GPC5: variants seen among roughly 807,000 people sequenced by gnomAD.
GPC5 encodes glypican 5.
A neutral mutation model predicts 53.9 loss-of-function variants in GPC5; 47 were observed. The ratio of observed to expected loss-of-function variants is 0.87; its 90% CI spans 0.69 to 1.11. The LOEUF is 1.11. Ranked by LOEUF, GPC5 falls within the 50% of genes most tolerant of loss-of-function variation. The probability of loss-of-function intolerance (pLI) is 0.00; values close to 1 mark genes in which losing one functional copy is unlikely to be tolerated. For missense variants in GPC5, 748 were observed against 713.1 expected (o/e 1.05, Z -0.56); for synonymous variants, 286 against 263.3 (o/e 1.09, Z -0.84).
At chr13:92,177,326 T>C (rs80275280) in intron 7 of GPC5, among the ~76,000 whole-genome samples, 3,536 of 152,324 alleles carry the variant, frequency 0.023, 148 homozygotes, top group African/African-American at 0.079. Context: ...GTTAATGTAA[T>C]GACAATGCCT....
chr13:92,439,418 G>C (rs181638516), intron 7 of GPC5, among the ~76,000 whole-genome samples: 2 of 152,054 alleles, frequency 1.3e-5, no homozygotes, highest in African/African-American at 4.8e-5. Flanking sequence ...AACTAAAATA[G>C]GCTTAGGAAT....
intron 6 of GPC5, among the ~76,000 whole-genome samples, chr13:92,139,572 C>A (rs766568593): frequency 3.4e-5 from 5 of 145,876 alleles, no homozygotes; most frequent in African/African-American, 1.3e-4. Context: ...GAGGCTTAGG[C>A]AGGACAATTG....
At chr13:91,581,742 T>G (rs2032368485) in intron 2 of GPC5, among the ~76,000 whole-genome samples, 1 of 152,130 alleles carries the variant, frequency 6.6e-6, no homozygotes, top group Non-Finnish European at 1.5e-5. Flanking sequence ...TGTAACGACT[T>G]CTCAATCATT....
intron 7 of GPC5, among the ~76,000 whole-genome samples, chr13:92,685,545 T>TTTTTTTTTTTTTA: frequency 6.7e-5 from 1 of 14,996 alleles, no homozygotes; most frequent in African/African-American, 1.3e-4. Flanking sequence ...ATTATGCTCA[T>TTTTTTTTTTTTTA]TTTTTTTTTT....
intron 7 of GPC5, among the ~76,000 whole-genome samples, chr13:92,290,356 G>A (rs909769169): frequency 1.3e-5 from 2 of 152,084 alleles, no homozygotes; most frequent in Non-Finnish European, 1.5e-5. Flanking sequence ...ATTTCCATAG[G>A]TTATTGAGGA....
rs540962419 is a variant in GPC5, at chr13:92,473,089, G to A, written c.1561+328100G>A. ...AAAAATTATTAAGGGGAATAGAGCAGCATTTCACAACTAGATTCCCAGGAT... is the reference window on the plus strand; with the variant it reads ...AAAAATTATTAAGGGGAATAGAGCAACATTTCACAACTAGATTCCCAGGAT... On this transcript the variant is annotated intron_variant, in intron 7 of 7. Transcript: ENST00000377067. Among the ~76,000 whole-genome samples, 24 of 152,168 alleles carry A rather than the reference G, an allele frequency of 1.6e-4. 1 individual carries two copies. In the South Asian group the frequency reaches 3.5e-3, roughly 22 times the overall value.
chr13:91,998,510 A>G (rs2040525593), intron 6 of GPC5, among the ~76,000 whole-genome samples: 1 of 152,134 alleles, frequency 6.6e-6, no homozygotes, highest in Non-Finnish European at 1.5e-5. Flanking sequence ...CTAATCTCCT[A>G]TTTATTGAGA....
chr13:92,031,205 A>T (rs2040838911), intron 6 of GPC5, among the ~76,000 whole-genome samples: 1 of 152,076 alleles, frequency 6.6e-6, no homozygotes, highest in Non-Finnish European at 1.5e-5. Context: ...GCTTACCCTT[A>T]AAACCTCTTT....
In GPC5 at chr13:92,207,754, A is replaced by T. The variant is rs2042347828; in HGVS notation, c.1561+62765A>T. Among the ~76,000 whole-genome samples the T allele has an allele frequency of 3.9e-5, 6 of 152,314 alleles. No individual in the cohort carries two copies. In the South Asian group the frequency reaches 1.2e-3, roughly 32 times the overall value. ...CGGTTATCTGTCTACTCATTCTTAG[A>T]CATTATGACCTGTAAAATTTCTTGG... is the stretch of plus-strand genomic sequence containing the variant. On this transcript the variant is annotated intron_variant, in intron 7 of 7. Transcript: ENST00000377067.
At chr13:92,289,939 G>T (rs948903834) in intron 7 of GPC5, among the ~76,000 whole-genome samples, 2 of 152,016 alleles carry the variant, frequency 1.3e-5, no homozygotes, top group African/African-American at 4.8e-5. Context: ...TTTAAATTTT[G>T]TTATACCAAA....
At position 91,646,705 on chromosome 13, in the gene GPC5, A is replaced by G. The variant is rs550604118; in HGVS notation, c.326-46482A>G. On this transcript the variant is annotated intron_variant, in intron 2 of 7. Coordinates refer to ENST00000377067, the MANE Select transcript of GPC5 (RefSeq NM_004466.6). ...GAAAGGTTGATTCTACCTTAAATAT[A>G]TGCTTCTGGTATAGCATATAAAAAG... 1.9e-3 allele frequency among the ~76,000 whole-genome samples: 291 copies of G among 152,298 alleles called. 2 individuals are homozygous for G. The highest frequency in any genetic ancestry group is 6.6e-3 in the African/African-American group (273 of 41,566).
intron 7 of GPC5, among the ~76,000 whole-genome samples, chr13:92,415,676 T>TAAAAAAAAAAAA (rs34520808): frequency 7.0e-6 from 1 of 143,490 alleles, no homozygotes. Flanking sequence ...CAGCTGGAGG[T>TAAAAAAAAAAAA]AAAAAAAAAA....
chr13:92,013,746 T>C (rs2040682394), intron 6 of GPC5, among the ~76,000 whole-genome samples: 3 of 152,180 alleles, frequency 2.0e-5, no homozygotes, highest in Admixed American at 6.5e-5. Context: ...CTTGATAGAT[T>C]CCAAGCCATA....
chr13:92,523,551 G>A (rs1881151930), intron 7 of GPC5, among the ~76,000 whole-genome samples: 1 of 151,986 alleles, frequency 6.6e-6, no homozygotes, highest in Admixed American at 6.6e-5. Flanking sequence ...ATATGTGGAA[G>A]CAAACTTTTA....
At chr13:92,289,265 C>G (rs1361258507) in intron 7 of GPC5, among the ~76,000 whole-genome samples, 2 of 152,020 alleles carry the variant, frequency 1.3e-5, no homozygotes, top group Admixed American at 6.6e-5. Flanking sequence ...ATCCATCTGC[C>G]TCTACCTTCC....
chr13:91,557,220 G>C (rs754573389), intron 2 of GPC5, among the ~76,000 whole-genome samples: 7 of 152,048 alleles, frequency 4.6e-5, no homozygotes, highest in Non-Finnish European at 8.8e-5. Flanking sequence ...ATTTCCTGCT[G>C]CTCCAATTTT....
chr13:92,648,292 G>A (rs1416168142), intron 7 of GPC5, among the ~76,000 whole-genome samples: 2 of 151,898 alleles, frequency 1.3e-5, no homozygotes, highest in Non-Finnish European at 2.9e-5. Context: ...TATTTGTTTT[G>A]TCAAGAGGCA....
intron 3 of GPC5, among the ~76,000 whole-genome samples, chr13:91,724,834 G>T (rs1413120955): frequency 6.6e-6 from 1 of 152,156 alleles, no homozygotes; most frequent in Non-Finnish European, 1.5e-5. Context: ...TCCAGCCTGG[G>T]CGACAGAGTG....
At chr13:92,511,514 C>G (rs914841375) in intron 7 of GPC5, among the ~76,000 whole-genome samples, 1 of 152,128 alleles carries the variant, frequency 6.6e-6, no homozygotes, top group East Asian at 1.9e-4. Context: ...TCAGAGAAAT[C>G]AGCTGTCATT....
Sources: gnomAD v4.1 joint callset for allele counts (sites outside exome capture counted in the v4.1 genomes callset) on GRCh38, gnomAD v4.1.1 for gene constraint, MANE v1.5 for transcripts, NCBI Gene and HGNC (gene_info 2026-07-23, HGNC 2026-07-21) for gene names.